NECAB2: variants seen among roughly 807,000 people sequenced by gnomAD.
The protein encoded by NECAB2 is N-terminal EF-hand calcium binding protein 2.
Under a neutral mutation model 51.9 loss-of-function variants are expected in NECAB2, and 68 were observed. The ratio of observed to expected loss-of-function variants is 1.31; its 90% CI spans 1.08 to 1.60. The LOEUF (loss-of-function observed/expected upper bound fraction) is 1.60, where lower values mean the gene tolerates loss of function less well. Among genes scored for constraint, NECAB2 ranks in the 40% most tolerant of loss-of-function variants. The probability of loss-of-function intolerance (pLI) is 0.00; values close to 1 mark genes in which losing one functional copy is unlikely to be tolerated. For synonymous variants in NECAB2, 329 were observed against 203.5 expected (o/e 1.62, Z -5.25); for missense variants, 854 against 490.3 (o/e 1.74, Z -7.00).
At chr16:84,000,199 G>A (rs1366344285) in intron 10 of NECAB2, among the ~76,000 whole-genome samples, 1 of 152,176 alleles carries the variant, frequency 6.6e-6, no homozygotes, top group Non-Finnish European at 1.5e-5. Context: ...ATCACATCCA[G>A]CCACCTGGTT....
intron 2 of NECAB2, among the ~76,000 whole-genome samples, chr16:83,976,751 A>C (rs560946130): frequency 6.6e-6 from 1 of 152,226 alleles, no homozygotes; most frequent in East Asian, 1.9e-4. Context: ...ACACGTTCAT[A>C]TTCTTTACCG....
chr16:84,002,642 A>C lies in NECAB2; in HGVS notation c.*296A>C, dbSNP rs1011971593. ...TCCCCTACCCCTCACATGGCCACGC[A>C]TGACCCACACTGACCACACCCTGCC... On this transcript the variant is annotated 3_prime_UTR_variant, in exon 13 of 13. Coordinates refer to ENST00000305202, the MANE Select transcript of NECAB2 (RefSeq NM_019065.3). The C allele has an allele frequency of 2.7e-5, 14 of 525,770 alleles. No individual in the cohort carries two copies. The highest frequency in any genetic ancestry group is 2.5e-4 in the South Asian group (12 of 47,780). 32.6% of individuals were successfully genotyped at this position (525,770 alleles called of 1,614,324 possible).
chr16:84,000,078 GAC>G (rs751040700), intron 10 of NECAB2, among the ~76,000 whole-genome samples: 29 of 150,460 alleles, frequency 1.9e-4, no homozygotes, highest in Non-Finnish European at 3.1e-4. Flanking sequence ...TTTTTAAAGA[GAC>G]AGTGTTTTGC....
intron 11 of NECAB2, among the ~76,000 whole-genome samples, 156 bp downstream of exon 11, chr16:84,000,957 C>G (rs948152372): frequency 1.6e-5 from 2 of 122,878 alleles, no homozygotes; most frequent in African/African-American, 1.1e-4. Flanking sequence ...GTCAGTAAAC[C>G]CTGGTGGAGG....
chr16:83,999,686 G>A (rs374177871), intron 10 of NECAB2, among the ~76,000 whole-genome samples: 7 of 152,086 alleles, frequency 4.6e-5, no homozygotes, highest in East Asian at 3.9e-4. Context: ...TTAAAATGAC[G>A]TGAGTGCGGG....
intron 2 of NECAB2, among the ~76,000 whole-genome samples, chr16:83,977,152 A>AGC (rs2084421263): frequency 6.6e-6 from 1 of 152,234 alleles, no homozygotes; most frequent in African/African-American, 2.4e-5. Context: ...CCTTGTCCCA[A>AGC]GCACCCAGCT....
chr16:83,981,034 CT>C lies in NECAB2; in HGVS notation c.369del (p.Phe123LeufsTer18). 5 of 1,614,076 alleles carry C rather than the reference CT, an allele frequency of 3.1e-6. No homozygotes were observed. The highest frequency in any genetic ancestry group is 4.2e-6 in the Non-Finnish European group (5 of 1,179,944). ...CCTTTGCCTTTCCTTCCCCAGATTA[CT>C]TTGTGGACCACATGGGTGACTATGA... ...HVDTKELCDY[F>X]VDHMGDYEDV... On this transcript the variant is annotated frameshift_variant, in exon 5 of 13. Coordinates refer to ENST00000305202, the MANE Select transcript of NECAB2 (RefSeq NM_019065.3). LOFTEE classifies it high-confidence loss of function.
At position 83,986,349 on chromosome 16, in the gene NECAB2, G is replaced by A. The variant is rs115723498; in HGVS notation, c.460-4145G>A. On this transcript the variant is annotated intron_variant, in intron 5 of 12. Coordinates refer to ENST00000305202, the MANE Select transcript of NECAB2 (RefSeq NM_019065.3). The stretch of plus-strand genomic sequence containing the variant: ...TTTCTCTAACTCAATATGAGAATCA[G>A]TAAGATACTGGAACTGGCTCAAAGG... 3.5e-3 allele frequency among the ~76,000 whole-genome samples: 531 copies of A among 152,316 alleles called. 4 individuals are homozygous for A. Among genetic ancestry groups the A allele is most frequent in the African/African-American group, 0.012 (497 of 41,580 alleles).
Position 83,998,696 on chromosome 16 carries a change from A to G in NECAB2, c.962+379A>G, listed in dbSNP as rs192017371. 1.8e-3 allele frequency among the ~76,000 whole-genome samples: 277 copies of G among 152,280 alleles called. 2 individuals carry two copies. Among genetic ancestry groups the G allele is most frequent in the Middle Eastern group, 6.8e-3 (2 of 294 alleles). ...CTGCTGCTGTCACAGGGGTTCCTGC[A>G]CACTTAAGTCCAGGCCCAGAATGTA... On this transcript the variant is annotated intron_variant, in intron 10 of 12. Transcript: ENST00000305202.
At chr16:83,967,535 G>A (rs2036332568), upstream of NECAB2, among the ~76,000 whole-genome samples, 1 of 142,806 alleles carries the variant, frequency 7.0e-6, no homozygotes, top group East Asian at 2.2e-4. Context: ...ATGGATGGGA[G>A]GGAGGGAGGA....
At chr16:83,990,353 C>A in intron 5 of NECAB2, 141 bp from the exon 6 acceptor site, 2 of 1,085,242 alleles carry the variant, frequency 1.8e-6, no homozygotes, top group East Asian at 2.4e-5. Context: ...AAGACTGGAC[C>A]CCAGGAGGCC....
At chr16:83,973,061 G>A (rs892854742) in intron 2 of NECAB2, among the ~76,000 whole-genome samples, 1 of 152,190 alleles carries the variant, frequency 6.6e-6, no homozygotes, top group Non-Finnish European at 1.5e-5. Context: ...CCAGAGAGGC[G>A]GTGTGGGTGA....
intron 8 of NECAB2, among the ~76,000 whole-genome samples, chr16:83,996,491 G>A (rs2084700963): frequency 1.3e-5 from 2 of 152,284 alleles, no homozygotes; most frequent in South Asian, 2.1e-4. Context: ...TGCCCTGTGT[G>A]ACTCCCGTAG....
chr16:83,994,233 AG>A lies in NECAB2; in HGVS notation c.597-68del, dbSNP rs552652978. 4.6e-4 allele frequency: 629 copies of A among 1,371,586 alleles called. 6 individuals are homozygous for A. In the South Asian group the frequency reaches 6.9e-3, roughly 15 times the overall value. 85.0% of individuals were successfully genotyped at this position (1,371,586 alleles called of 1,614,324 possible). On this transcript the variant is annotated intron_variant, in intron 6 of 12. Transcript: ENST00000305202. ...GTCTTGCGTAATAAATGCCTGTGGAAGATGCTGGAAGTGGTAAGGGCCCTGA... is the reference window on the plus strand; with the variant it reads ...GTCTTGCGTAATAAATGCCTGTGGAAATGCTGGAAGTGGTAAGGGCCCTGA...
chr16:84,001,650 CCA>C (rs1567682088), intron 11 of NECAB2, among the ~76,000 whole-genome samples, 173 bp from the exon 12 acceptor site: 2 of 151,944 alleles, frequency 1.3e-5, no homozygotes, highest in African/African-American at 2.4e-5. Context: ...ACTGCCCACC[CCA>C]GAGTCAGCCT....
At chr16:83,976,908 A>G (rs1007063518) in intron 2 of NECAB2, among the ~76,000 whole-genome samples, 1 of 152,246 alleles carries the variant, frequency 6.6e-6, no homozygotes, top group South Asian at 2.1e-4. Context: ...AGACAGAAGC[A>G]CTGGAGCCTT....
intron 5 of NECAB2, among the ~76,000 whole-genome samples, chr16:83,983,390 A>C (rs1432420322): frequency 2.0e-5 from 3 of 152,190 alleles, no homozygotes; most frequent in Non-Finnish European, 1.5e-5. Flanking sequence ...GGGCACGGCC[A>C]GGCATGCTTG....
chr16:83,972,729 C>G (rs8044951), intron 2 of NECAB2, among the ~76,000 whole-genome samples: 12,922 of 152,172 alleles, frequency 0.085, 1,674 homozygotes, highest in African/African-American at 0.28. Flanking sequence ...TTCCCTTTCT[C>G]TCTCAGCCTC....
chr16:83,997,641 C>G (rs1223885538), intron 9 of NECAB2, among the ~76,000 whole-genome samples: 5 of 151,890 alleles, frequency 3.3e-5, no homozygotes, highest in Admixed American at 6.6e-5. Flanking sequence ...GTGTGTGCCA[C>G]CACGCCTGGC....
Sources: allele counts gnomAD v4.1 joint callset (sites outside exome capture counted in the v4.1 genomes callset), GRCh38; gene constraint gnomAD v4.1.1; transcripts MANE v1.5; gene names NCBI Gene and HGNC (gene_info 2026-07-23, HGNC 2026-07-21).